Variants in OSGIN2 observed in about 807,000 individuals in gnomAD.
The protein encoded by OSGIN2 is oxidative stress induced growth inhibitor family member 2, also known as oxidative stress-induced growth inhibitor 2.
Under a neutral mutation model 53.8 loss-of-function variants are expected in OSGIN2, and 19 were observed. The observed-to-expected ratio is 0.35, with a 90% CI of 0.25 to 0.52. The LOEUF (loss-of-function observed/expected upper bound fraction) is 0.52, where lower values mean the gene tolerates loss of function less well. OSGIN2 is among the 20% of genes least tolerant of loss of function. The pLI, the probability that OSGIN2 is intolerant of heterozygous loss-of-function variation, is 0.95. For missense variants in OSGIN2, 520 were observed against 662.7 expected (o/e 0.78, Z 2.36); for synonymous variants, 236 against 236.0 (o/e 1.00, Z 0.00).
At position 89,925,336 on chromosome 8, in the gene OSGIN2, G is replaced by C. The variant is rs779476005; in HGVS notation, c.1454G>C (p.Gly485Ala). The C allele has an allele frequency of 6.2e-7, 1 of 1,614,002 alleles. No individual in the cohort carries two copies. The highest frequency in any genetic ancestry group is 1.3e-5 in the African/African-American group (1 of 74,916). Reference protein sequence around the residue: ...HKSSQPITCKGNPVEIDTYTY... With the variant: ...HKSSQPITCKANPVEIDTYTY... ...TCAAGCCAGCCAATCACATGTAAGG[G>C]TAATCCTGTGGAAATAGATACATAT... The change falls in exon 6 of 6, where the codon GGT becomes GCT. Residue 485 changes from glycine (G) to alanine (A), a missense_variant. Gly to Ala is a moderately conservative substitution (Grantham distance 60). Coordinates refer to ENST00000451899, the MANE Select transcript of OSGIN2 (RefSeq NM_001126111.3).
At position 89,921,067 on chromosome 8, in the gene OSGIN2, T is replaced by TA. The variant is rs1174763012; in HGVS notation, c.529-10dup. 2 of 1,474,034 alleles carry TA rather than the reference T, an allele frequency of 1.4e-6. No homozygotes were observed. The highest frequency in any genetic ancestry group is 2.3e-5 in the East Asian group (1 of 43,970). The allele number at this position is 1,474,034 out of a possible 1,614,324, so 91.3% of individuals were successfully genotyped here. On this transcript the variant is annotated splice_polypyrimidine_tract_variant and intron_variant, in intron 4 of 5. Coordinates refer to ENST00000451899, the MANE Select transcript of OSGIN2 (RefSeq NM_001126111.3). ...TTTTTTGACGGTACATTTTTTTTTT[T>TA]AAACTCTAATAGAATATGGAAGGCT...
At chr8:89,918,363 C>T (rs1809125528) in intron 4 of OSGIN2, among the ~76,000 whole-genome samples, 1 of 152,052 alleles carries the variant, frequency 6.6e-6, no homozygotes, top group Non-Finnish European at 1.5e-5. Context: ...TGCAGTGGTA[C>T]AGTCATAGCT....
chr8:89,917,557 T>C (rs564292792), intron 4 of OSGIN2, among the ~76,000 whole-genome samples: 195 of 152,340 alleles, frequency 1.3e-3, no homozygotes, highest in Non-Finnish European at 2.4e-3. Context: ...AAAAAAATTA[T>C]ACAACTGTGA....
At chr8:89,913,136 G>A (rs576737054) in intron 2 of OSGIN2, among the ~76,000 whole-genome samples, 142 of 152,304 alleles carry the variant, frequency 9.3e-4, no homozygotes, top group African/African-American at 3.3e-3. Flanking sequence ...AGCAGTAAAG[G>A]ATTATAGAAA....
rs775796497 is a variant in OSGIN2, at chr8:89,925,491, CATTT to C, written c.1610_1613del (p.His537ArgfsTer11). On this transcript the variant is annotated frameshift_variant, in exon 6 of 6. Transcript: ENST00000451899. LOFTEE classifies it high-confidence loss of function. ...TTTAGCTACAAGACAGAAGAAAAAG[CATTT>C]GTTTGTTGAAAGAGGAGGAGGAGAT... is the stretch of plus-strand genomic sequence containing the variant. The C allele has an allele frequency of 8.0e-5, 129 of 1,613,818 alleles. No homozygotes were observed. The highest frequency in any genetic ancestry group is 9.1e-5 in the Non-Finnish European group (107 of 1,179,916).
intron 5 of OSGIN2, 129 bp from the exon 6 acceptor site, chr8:89,924,374 T>C: frequency 1.6e-6 from 1 of 643,014 alleles, no homozygotes; most frequent in Non-Finnish European, 2.5e-6. Flanking sequence ...TTTTAAGTGT[T>C]AGGATAATGT....
chr8:89,919,742 CTCTT>C (rs1255476779), intron 4 of OSGIN2, among the ~76,000 whole-genome samples: 14 of 152,212 alleles, frequency 9.2e-5, no homozygotes, highest in Non-Finnish European at 1.8e-4. Context: ...CATATTTGCT[CTCTT>C]TATTAAGCTG....
chr8:89,914,708 G>A lies in OSGIN2; in HGVS notation c.490G>A (p.Val164Ile), dbSNP rs1294597505. ...KLEQHHYIPH[V>I]VLGKGPPGGA... ...AGAGCAACATCATTATATCCCTCACGTAGTTCTTGGTAAAGGTCCACCTGG... is the reference window on the plus strand; with the variant it reads ...AGAGCAACATCATTATATCCCTCACATAGTTCTTGGTAAAGGTCCACCTGG... Residue 164 changes from valine to isoleucine, a missense_variant, in exon 4 of 6, where the codon GTA (valine) becomes ATA (isoleucine). Coordinates refer to ENST00000451899, the MANE Select transcript of OSGIN2 (RefSeq NM_001126111.3). 9.3e-6 allele frequency: 15 copies of A among 1,613,922 alleles called. No homozygotes were observed. The highest frequency in any genetic ancestry group is 2.7e-5 in the African/African-American group (2 of 75,054).
chr8:89,910,576 C>T (rs749702951), intron 2 of OSGIN2, among the ~76,000 whole-genome samples: 1 of 152,154 alleles, frequency 6.6e-6, no homozygotes, highest in South Asian at 2.1e-4. Flanking sequence ...AGGTTCTATA[C>T]TAGATTCTCC....
chr8:89,923,711 A>T (rs185533916), intron 5 of OSGIN2, among the ~76,000 whole-genome samples: 5 of 152,356 alleles, frequency 3.3e-5, no homozygotes, highest in Admixed American at 1.3e-4. Context: ...TATTAAATGC[A>T]TTTTTGACTT....
At chr8:89,915,476 T>C (rs778380571) in intron 4 of OSGIN2, among the ~76,000 whole-genome samples, 1 of 152,142 alleles carries the variant, frequency 6.6e-6, no homozygotes, top group Non-Finnish European at 1.5e-5. Context: ...ATTTTGAGGG[T>C]AGATACAATT....
intron 1 of OSGIN2, among the ~76,000 whole-genome samples, chr8:89,905,404 A>G (rs1411901639): frequency 6.6e-6 from 1 of 152,230 alleles, no homozygotes; most frequent in Non-Finnish European, 1.5e-5. Flanking sequence ...CTCTTGTTTT[A>G]AATAGAACAA....
chr8:89,909,840 A>G (rs971974454), intron 2 of OSGIN2, 119 bp downstream of exon 2: 14 of 605,708 alleles, frequency 2.3e-5, no homozygotes, highest in South Asian at 9.4e-5. Flanking sequence ...GTGGTTTGAT[A>G]TGCTAAAAAA....
intron 4 of OSGIN2, among the ~76,000 whole-genome samples, chr8:89,916,174 G>A (rs1483580017): frequency 6.6e-6 from 1 of 152,110 alleles, no homozygotes; most frequent in Non-Finnish European, 1.5e-5. Context: ...AATTCCTGAG[G>A]TTTTATTTTA....
At chr8:89,908,456 G>C (rs1333958122) in intron 1 of OSGIN2, among the ~76,000 whole-genome samples, 1 of 152,134 alleles carries the variant, frequency 6.6e-6, no homozygotes, top group African/African-American at 2.4e-5. Flanking sequence ...GTCTCTGCCT[G>C]ATTCTTTTCT....
Position 89,925,767 on chromosome 8 carries a change from T to C in OSGIN2, c.*235T>C. ...ACTGCCAACTTGGTGTAACTTAAGC[T>C]TTCATTTAACTAAAACATTCTTTTC... On this transcript the variant is annotated 3_prime_UTR_variant, in exon 6 of 6. Transcript: ENST00000451899. The C allele has an allele frequency of 2.4e-6, 1 of 424,606 alleles. No individual in the cohort carries two copies. Among genetic ancestry groups the C allele is most frequent in the Non-Finnish European group, 4.2e-6 (1 of 238,870 alleles). The allele number at this position is 424,606 out of a possible 1,614,324, so 26.3% of individuals were successfully genotyped here. A position where few individuals can be genotyped will look rare whatever the true frequency, so the allele number is the denominator to read the frequency against.
At chr8:89,909,011 C>CAAAAAAAAAAA (rs35635974) in intron 1 of OSGIN2, among the ~76,000 whole-genome samples, 1 of 38,394 alleles carries the variant, frequency 2.6e-5, no homozygotes, top group African/African-American at 1.4e-4. Context: ...ACCTTGTTTC[C>CAAAAAAAAAAA]AAAAAAAAAA....
At position 89,925,208 on chromosome 8, in the gene OSGIN2, T is replaced by A; in HGVS notation, c.1326T>A (p.Ser442=). Residue 442 remains serine (S), a synonymous_variant, in exon 6 of 6, where the codon TCT becomes TCA. Coordinates refer to ENST00000451899, the MANE Select transcript of OSGIN2 (RefSeq NM_001126111.3). The part of the protein sequence containing the change: ...SDMKCVLQSV[S]GLKKIFKLSA... ...TGAAATGTGTTCTCCAAAGCGTTTC[T>A]GGATTGAAGAAAATATTTAAGCTGT... The A allele has an allele frequency of 1.2e-6, 2 of 1,614,148 alleles. No homozygotes were observed. Among genetic ancestry groups the A allele is most frequent in the South Asian group, 1.1e-5 (1 of 91,086 alleles).
At chr8:89,922,623 G>C (rs1455506513) in intron 5 of OSGIN2, among the ~76,000 whole-genome samples, 1 of 152,194 alleles carries the variant, frequency 6.6e-6, no homozygotes, top group Non-Finnish European at 1.5e-5. Context: ...GATTGGTGGA[G>C]TTTGAGTTCC....
Sources: allele counts gnomAD v4.1 joint callset (sites outside exome capture counted in the v4.1 genomes callset), GRCh38; gene constraint gnomAD v4.1.1; transcripts MANE v1.5; gene names NCBI Gene and HGNC (gene_info 2026-07-23, HGNC 2026-07-21).